The following PPIL2 variants were observed in gnomAD, a reference collection of about 807,000 sequenced individuals.
PPIL2 encodes the protein RING-type E3 ubiquitin-protein ligase PPIL2.
Under a neutral mutation model 75.2 loss-of-function variants are expected in PPIL2, and 50 were observed. The observed-to-expected ratio is 0.66, with a 90% CI of 0.53 to 0.84. The LOEUF is 0.84. Among genes scored for constraint, PPIL2 ranks in the 40% least tolerant of loss-of-function variants. The pLI, the probability that PPIL2 is intolerant of heterozygous loss-of-function variation, is 0.00. For missense variants in PPIL2, 590 were observed against 685.0 expected, an observed-to-expected ratio of 0.86 and a Z score of 1.55; for synonymous variants, 245 against 258.8, an observed-to-expected ratio of 0.95 and a Z score of 0.51.
chr22:21,682,747 G>A (rs2067184463), intron 8 of PPIL2, among the ~76,000 whole-genome samples: 1 of 152,266 alleles, frequency 6.6e-6, no homozygotes, highest in African/African-American at 2.4e-5. Context: ...CAGGGTCCCT[G>A]CAGGTGTCAG....
intron 1 of PPIL2, 63 bp from the exon 2 acceptor site, chr22:21,669,846 CACTT>C (rs909581153): frequency 3.6e-5 from 53 of 1,483,946 alleles, no homozygotes; most frequent in African/African-American, 3.5e-4. Context: ...AAAGATTACT[CACTT>C]CCAAAGACTT....
rs741617 is a variant in PPIL2 at position 21,687,790 on chromosome 22, G to T, written c.987+58G>T. 0.33 allele frequency: 512,128 copies of T among 1,530,196 alleles called. 88,780 individuals are homozygous for T. Among genetic ancestry groups the T allele is most frequent in the Non-Finnish European group, 0.36 (401,778 of 1,108,250 alleles). The allele number at this position is 1,530,196 out of a possible 1,614,324, so 94.8% of individuals were successfully genotyped here. On this transcript the variant is annotated intron_variant, in intron 13 of 19. Transcript: ENST00000398831. The stretch of plus-strand genomic sequence containing the variant: ...AGCTTGGTGGGACATCGGGGGCTGG[G>T]TGGGCTTGTCCCTGCCCCATCCCAG...
intron 15 of PPIL2, among the ~76,000 whole-genome samples, chr22:21,690,614 T>C (rs923709560): frequency 6.6e-6 from 1 of 152,220 alleles, no homozygotes; most frequent in Non-Finnish European, 1.5e-5. Context: ...CTGTTTTCAC[T>C]TCACTTTGAA....
At chr22:21,670,032 T>G in intron 2 of PPIL2, 70 bp downstream of exon 2, 1 of 1,464,348 alleles carries the variant, frequency 6.8e-7, no homozygotes, top group Non-Finnish European at 9.6e-7. Flanking sequence ...CAGGATACAG[T>G]GAGCTGTAAA....
chr22:21,682,595 C>CTGCCT (rs71674996), intron 8 of PPIL2, 69 bp downstream of exon 8: 40 of 1,280,312 alleles, frequency 3.1e-5, no homozygotes, highest in Non-Finnish European at 3.7e-5. Flanking sequence ...CTCTACAGGG[C>CTGCCT]CCTACCCCCA....
Position 21,694,636 on chromosome 22 carries a change from G to A in PPIL2, c.1240G>A (p.Glu414Lys), listed in dbSNP as rs777741896. The change falls in exon 17 of 20, where the codon GAG (glutamate) becomes AAG (lysine). Residue 414 changes from glutamate (E) to lysine (K), a missense_variant. Glu to Lys is a moderately conservative substitution (Grantham distance 56). Coordinates refer to ENST00000398831, the MANE Select transcript of PPIL2 (RefSeq NM_014337.4). ...CGTACTGACAGCCATGGAGAATGTGGAGAGTGACCCCAAAACTGACCGCCC... is the reference window on the plus strand; with the variant it reads ...CGTACTGACAGCCATGGAGAATGTGAAGAGTGACCCCAAAACTGACCGCCC... ...FDVLTAMENV[E>K]SDPKTDRPKE... 2 of 1,614,164 alleles carry A rather than the reference G, an allele frequency of 1.2e-6. No individual in the cohort carries two copies. Among genetic ancestry groups the A allele is most frequent in the South Asian group, 1.1e-5 (1 of 91,088 alleles).
At chr22:21,669,299 T>C in intron 1 of PPIL2, 1 of 421,736 alleles carries the variant, frequency 2.4e-6, no homozygotes. Flanking sequence ...AGGTGTGAGC[T>C]GTCACACCTG....
At chr22:21,683,065 C>A in intron 8 of PPIL2, 117 bp from the exon 9 acceptor site, 2 of 882,638 alleles carry the variant, frequency 2.3e-6, no homozygotes, top group Non-Finnish European at 3.8e-6. Flanking sequence ...CTCCCCCAAC[C>A]TCAGTGTAGC....
intron 12 of PPIL2, among the ~76,000 whole-genome samples, chr22:21,687,374 G>A (rs1177672833): frequency 2.6e-5 from 4 of 151,982 alleles, no homozygotes; most frequent in Non-Finnish European, 4.4e-5. Flanking sequence ...GCCAACATGG[G>A]GAAACCCGTC....
chr22:21,686,585 C>G, intron 11 of PPIL2, 27 bp downstream of exon 11: 1 of 1,607,978 alleles, frequency 6.2e-7, no homozygotes, highest in Non-Finnish European at 8.5e-7. Context: ...CTGTAGCCAC[C>G]TGCCATGTGA....
At position 21,670,983 on chromosome 22, in the gene PPIL2, C is replaced by G. The variant is rs777862182; in HGVS notation, c.129-14C>G. ...GTGCGTGGCAACTCACCAGGAATGA[C>G]TGTCCTTTTTCAGTCTCTCTCTGCA... is the stretch of plus-strand genomic sequence containing the variant. On this transcript the variant is annotated splice_polypyrimidine_tract_variant and intron_variant, in intron 3 of 19. Coordinates refer to ENST00000398831, the MANE Select transcript of PPIL2 (RefSeq NM_014337.4). 6.2e-7 allele frequency: 1 copy of G among 1,607,880 alleles called. No homozygotes were observed. Among genetic ancestry groups the G allele is most frequent in the East Asian group, 2.2e-5 (1 of 44,840 alleles).
chr22:21,666,848 G>T (rs550987983), intron 1 of PPIL2, among the ~76,000 whole-genome samples: 28 of 151,924 alleles, frequency 1.8e-4, no homozygotes, highest in African/African-American at 6.8e-4. Flanking sequence ...CCCGTGCCCC[G>T]TGCCCCACGT....
intron 6 of PPIL2, among the ~76,000 whole-genome samples, chr22:21,675,428 C>T (rs1346083892): frequency 6.6e-6 from 1 of 152,004 alleles, no homozygotes; most frequent in Non-Finnish European, 1.5e-5. Flanking sequence ...CCCAGCTACT[C>T]GGGAGGCTGA....
chr22:21,682,533 G>A lies in PPIL2; in HGVS notation c.477+7G>A, dbSNP rs1317955715. The A allele has an allele frequency of 6.4e-7, 1 of 1,560,576 alleles. No homozygotes were observed. The highest frequency in any genetic ancestry group is 8.7e-7 in the Non-Finnish European group (1 of 1,153,876). On this transcript the variant is annotated splice_region_variant and intron_variant, in intron 8 of 19. Coordinates refer to ENST00000398831, the MANE Select transcript of PPIL2 (RefSeq NM_014337.4). ...GGACATCATCACCCTCCAGGTGAGTGTCCCCTGCCTGCCTGCCCCAGCTGC... is the reference window on the plus strand; with the variant it reads ...GGACATCATCACCCTCCAGGTGAGTATCCCCTGCCTGCCTGCCCCAGCTGC...
At chr22:21,682,920 T>A (rs1305308314) in intron 8 of PPIL2, among the ~76,000 whole-genome samples, 1 of 152,230 alleles carries the variant, frequency 6.6e-6, no homozygotes, top group East Asian at 1.9e-4. Context: ...CAGCAATGAA[T>A]GCTCGTTAGC....
At chr22:21,679,950 A>G (rs5994781) in intron 6 of PPIL2, among the ~76,000 whole-genome samples, 10,368 of 151,912 alleles carry the variant, frequency 0.068, 1,169 homozygotes, top group African/African-American at 0.23. Flanking sequence ...TTAGCCGGGC[A>G]TGGTGGCGGG....
chr22:21,685,164 AG>A (rs1283907452), intron 10 of PPIL2, among the ~76,000 whole-genome samples: 1 of 152,128 alleles, frequency 6.6e-6, no homozygotes, highest in Non-Finnish European at 1.5e-5. Flanking sequence ...TGAAGAACCA[AG>A]GGGTGTGTGG....
intron 6 of PPIL2, among the ~76,000 whole-genome samples, chr22:21,676,309 T>TTTTGTGTGTGTGTG (rs71318714): frequency 2.4e-5 from 3 of 123,016 alleles, no homozygotes; most frequent in Admixed American, 8.5e-5. Flanking sequence ...TTTATTTATT[T>TTTTGTGTGTGTGTG]TGTGTGTGTG....
At chr22:21,687,767 C>G (rs1282203857) in intron 13 of PPIL2, 35 bp downstream of exon 13, 2 of 1,581,252 alleles carry the variant, frequency 1.3e-6, no homozygotes, top group Non-Finnish European at 8.7e-7. Context: ...CACAGATGAG[C>G]TTGGTGGGAC....
Sources: allele counts gnomAD v4.1 joint callset (sites outside exome capture counted in the v4.1 genomes callset), GRCh38; gene constraint gnomAD v4.1.1; transcripts MANE v1.5; gene names NCBI Gene and HGNC (gene_info 2026-07-23, HGNC 2026-07-21).